Variants in ANKRD60 observed in about 807,000 individuals in gnomAD.
ANKRD60 encodes ankyrin repeat domain 60.
ANKRD60 carries 24 observed loss-of-function variants against 21.3 expected under a neutral mutation model. The observed-to-expected ratio is 1.13, with a 90% CI of 0.82 to 1.59. The LOEUF (loss-of-function observed/expected upper bound fraction) is 1.59, where lower values mean the gene tolerates loss of function less well. Among genes scored for constraint, ANKRD60 ranks in the 40% most tolerant of loss-of-function variants. ANKRD60 has a pLI of 0.00. For missense variants in ANKRD60, 490 were observed against 466.7 expected (o/e 1.05, Z -0.46); for synonymous variants, 182 against 199.4 (o/e 0.91, Z 0.74).
In ANKRD60 at chr20:58,228,215, A is replaced by C. The variant is rs1250573280; in HGVS notation, c.430+9T>G. 1.3e-6 allele frequency: 2 copies of C among 1,543,648 alleles called. No individual in the cohort carries two copies. Among genetic ancestry groups the C allele is most frequent in the South Asian group, 2.4e-5 (2 of 82,838 alleles). On this transcript the variant is annotated intron_variant, in intron 1 of 3. Transcript: ENST00000457363. The surrounding 1 kb of genome is among the most constrained non-coding windows in gnomAD (Gnocchi z 5.3). ...ATGTGGCCAGGGAAGGAGTCAGGGC[A>C]GGAGCCACCTTCGTCGAGGTACTGG... is the stretch of plus-strand genomic sequence containing the variant.
intron 1 of ANKRD60, among the ~76,000 whole-genome samples, chr20:58,225,971 C>T (rs1425058953): frequency 6.6e-6 from 1 of 152,110 alleles, no homozygotes; most frequent in Non-Finnish European, 1.5e-5. Flanking sequence ...TGCCTGGCCT[C>T]CACTGGGTAT....
At chr20:58,221,552 T>C in intron 2 of ANKRD60, 49 bp from the exon 3 acceptor site, 1 of 1,539,876 alleles carries the variant, frequency 6.5e-7, no homozygotes, top group Non-Finnish European at 8.8e-7. Context: ...CGTGGCTACA[T>C]TTTGCTGGAC....
At chr20:58,222,752 A>G (rs952860082) in intron 2 of ANKRD60, among the ~76,000 whole-genome samples, 2 of 152,172 alleles carry the variant, frequency 1.3e-5, no homozygotes, top group South Asian at 4.1e-4. Flanking sequence ...ATTAAATTAG[A>G]TTTCCAACCT....
At chr20:58,227,602 A>G (rs1351854428) in intron 1 of ANKRD60, among the ~76,000 whole-genome samples, 1 of 151,880 alleles carries the variant, frequency 6.6e-6, no homozygotes, top group Non-Finnish European at 1.5e-5. Flanking sequence ...GTGTTGGGCA[A>G]TTTTATTCTG....
chr20:58,225,763 G>A, intron 1 of ANKRD60, among the ~76,000 whole-genome samples: 1 of 152,340 alleles, frequency 6.6e-6, no homozygotes, highest in African/African-American at 2.4e-5. Flanking sequence ...TCTCTGTGCA[G>A]CAGCAGCTCA....
At chr20:58,227,343 G>A (rs1211524026) in intron 1 of ANKRD60, among the ~76,000 whole-genome samples, 1 of 152,024 alleles carries the variant, frequency 6.6e-6, no homozygotes, top group Non-Finnish European at 1.5e-5. Context: ...TGATTTTGGG[G>A]TCCTGAGATG....
intron 3 of ANKRD60, 61 bp from the exon 4 acceptor site, chr20:58,218,866 C>T: frequency 6.9e-7 from 1 of 1,453,358 alleles, no homozygotes. Context: ...AGGAGGGGTC[C>T]AGGGCTGTGA....
intron 3 of ANKRD60, among the ~76,000 whole-genome samples, chr20:58,219,645 A>G (rs1364628133): frequency 1.3e-5 from 2 of 152,234 alleles, no homozygotes. Flanking sequence ...TGACACAGAA[A>G]ACAAGGCAAT....
At chr20:58,227,078 G>A (rs561761) in intron 1 of ANKRD60, among the ~76,000 whole-genome samples, 42,713 of 152,064 alleles carry the variant, frequency 0.28, 6,343 homozygotes, top group South Asian at 0.46. Flanking sequence ...GAGGCAGGCA[G>A]CGTTTGTTTC....
At position 58,228,609 on chromosome 20, in the gene ANKRD60, C is replaced by CCCCGCCGCCG; in HGVS notation, c.35_44dup (p.Ala16GlyfsTer67). 1.9e-6 allele frequency: 2 copies of CCCCGCCGCCG among 1,052,454 alleles called. No individual in the cohort carries two copies. The highest frequency in any genetic ancestry group is 5.5e-5 in the Admixed American group (1 of 18,176). 65.2% of individuals were successfully genotyped at this position (1,052,454 alleles called of 1,614,324 possible). A position where few individuals can be genotyped will look rare whatever the true frequency, so the allele number is the denominator to read the frequency against. On this transcript the variant is annotated frameshift_variant, in exon 1 of 4. Transcript: ENST00000457363. LOFTEE classifies it high-confidence loss of function. This position sits in a 1 kb window ranked among gnomAD's most constrained non-coding sequence, Gnocchi z 5.3. ...GCCCCGCCGCCCGCGCTCCGCCCGC[C>CCCCGCCGCCG]CCCGCCGCCGCCCGCCGCATCCCCC...
chr20:58,216,928 G>A (rs138256030), downstream of ANKRD60, among the ~76,000 whole-genome samples: 142 of 152,312 alleles, frequency 9.3e-4, 1 homozygote, highest in Middle Eastern at 6.8e-3. Flanking sequence ...GACCCCACAC[G>A]CCACCCAGTA....
chr20:58,222,636 G>A (rs1276651297), intron 2 of ANKRD60, among the ~76,000 whole-genome samples: 3 of 152,310 alleles, frequency 2.0e-5, no homozygotes, highest in East Asian at 1.9e-4. Context: ...CCCCGGGAAC[G>A]AGGGGCCTCT....
intron 1 of ANKRD60, among the ~76,000 whole-genome samples, chr20:58,225,812 G>A (rs1984352302): frequency 6.6e-6 from 1 of 152,212 alleles, no homozygotes; most frequent in Non-Finnish European, 1.5e-5. Flanking sequence ...GAAGTGTGTT[G>A]CGTTGATTTC....
chr20:58,218,281 G>A (rs1023105208), downstream of ANKRD60, among the ~76,000 whole-genome samples: 9 of 152,178 alleles, frequency 5.9e-5, no homozygotes, highest in Non-Finnish European at 1.3e-4. Flanking sequence ...ATTAGAGCCT[G>A]TTCAGTCTGT....
downstream of ANKRD60, among the ~76,000 whole-genome samples, chr20:58,218,046 T>C (rs1249897646): frequency 3.3e-5 from 5 of 152,204 alleles, no homozygotes; most frequent in East Asian, 5.8e-4. Context: ...TTTAGTTCCA[T>C]GGCTTTACAG....
At chr20:58,218,625 C>T (rs1368427433) in exon 4 of ANKRD60, 1 of 1,551,796 alleles carries the variant, frequency 6.4e-7, no homozygotes, top group South Asian at 1.2e-5. Context: ...GACCATCTGC[C>T]TCTCGCTCAG....
At chr20:58,218,870 G>A (rs1275061866) in intron 3 of ANKRD60, 65 bp from the exon 4 acceptor site, 26 of 1,429,584 alleles carry the variant, frequency 1.8e-5, no homozygotes, top group Non-Finnish European at 2.3e-5. Context: ...GGGGTCCAGG[G>A]CTGTGAAGGG....
intron 3 of ANKRD60, among the ~76,000 whole-genome samples, chr20:58,219,714 G>A (rs1395599955): frequency 2.0e-5 from 3 of 152,222 alleles, no homozygotes; most frequent in African/African-American, 7.2e-5. Flanking sequence ...GCTGGTTGGT[G>A]AGGTAAAGTT....
intron 3 of ANKRD60, among the ~76,000 whole-genome samples, chr20:58,219,365 T>C (rs61341062): frequency 0.046 from 7,075 of 152,256 alleles, 497 homozygotes; most frequent in African/African-American, 0.15. Context: ...TCATTGACTA[T>C]GGAATTATTT....
Sources: allele counts gnomAD v4.1 joint callset (sites outside exome capture counted in the v4.1 genomes callset), GRCh38; gene constraint gnomAD v4.1.1; non-coding constraint Gnocchi (gnomAD v3.1); transcripts MANE v1.5; gene names NCBI Gene and HGNC (gene_info 2026-07-23, HGNC 2026-07-21).